Variants in ELAPOR2 observed in about 807,000 individuals in gnomAD.
ELAPOR2 encodes the protein endosome/lysosome-associated apoptosis and autophagy regulator family member 2.
In ELAPOR2, 89 loss-of-function variants were observed where a neutral mutation model predicts 120.7. That is an observed-to-expected ratio of 0.74 (90% CI 0.62 to 0.88). The LOEUF (loss-of-function observed/expected upper bound fraction) is 0.88. ELAPOR2 is among the 40% of genes least tolerant of loss of function. The probability of loss-of-function intolerance (pLI) is 0.00; values close to 1 mark genes in which losing one functional copy is unlikely to be tolerated. For synonymous variants in ELAPOR2, 444 were observed against 444.9 expected, an observed-to-expected ratio of 1.00 and a Z score of 0.03; for missense variants, 1,134 against 1,251.6, an observed-to-expected ratio of 0.91 and a Z score of 1.42.
intron 1 of ELAPOR2, among the ~76,000 whole-genome samples, chr7:86,987,337 T>C (rs1470485847): frequency 6.6e-6 from 1 of 151,976 alleles, no homozygotes; most frequent in African/African-American, 2.4e-5. Flanking sequence ...AAAGCCAAAA[T>C]AGACAAATGA....
In ELAPOR2 at chr7:86,954,784, G is replaced by A. The variant is rs190751058; in HGVS notation, c.311-6862C>T. On this transcript the variant is annotated intron_variant, in intron 2 of 21. Coordinates refer to ENST00000450689, the MANE Select transcript of ELAPOR2 (RefSeq NM_001142749.3). ...GGAAATATAAAGTAAATCAATTCCA[G>A]GATCAAGACAAGCCCATATGTCTAT... is the stretch of plus-strand genomic sequence containing the variant. Among the ~76,000 whole-genome samples, 206 of 152,108 alleles carry A rather than the reference G, an allele frequency of 1.4e-3. 1 individual carries two copies. Among genetic ancestry groups the A allele is most frequent in the African/African-American group, 4.8e-3 (199 of 41,512 alleles).
rs79734051 is a variant in ELAPOR2, at chr7:86,938,953, C to G, written c.855G>C (p.Ala285=). 8 of 1,612,654 alleles carry G rather than the reference C, an allele frequency of 5.0e-6. No individual in the cohort carries two copies. The highest frequency in any genetic ancestry group is 6.8e-6 in the Non-Finnish European group (8 of 1,179,254). ...LVKNITIEGV[A]YTSECFPCKP... is the part of the protein sequence containing the mutation. ...TGCAAGGAAAACATTCTGATGTGTACGCCACCCCTGTGCAGTAATGAAAAA... is the reference window on the plus strand; with the variant it reads ...TGCAAGGAAAACATTCTGATGTGTAGGCCACCCCTGTGCAGTAATGAAAAA... The change falls in exon 7 of 22, where the codon GCG becomes GCC. Residue 285 remains alanine (A), a synonymous_variant. Transcript: ENST00000450689.
intron 1 of ELAPOR2, among the ~76,000 whole-genome samples, chr7:86,982,830 A>C (rs973445993): frequency 6.6e-6 from 1 of 152,216 alleles, no homozygotes; most frequent in Non-Finnish European, 1.5e-5. Flanking sequence ...CTGGAGGGAG[A>C]CTGACTTTGA....
At chr7:86,922,979 T>C (rs557854467) in intron 10 of ELAPOR2, among the ~76,000 whole-genome samples, 1 of 152,096 alleles carries the variant, frequency 6.6e-6, no homozygotes, top group East Asian at 1.9e-4. Flanking sequence ...AATTCATATT[T>C]CACATAAACC....
chr7:86,896,295 T>C (rs971403104), intron 19 of ELAPOR2, among the ~76,000 whole-genome samples: 2 of 152,124 alleles, frequency 1.3e-5, no homozygotes, highest in Non-Finnish European at 2.9e-5. Context: ...CTAATTTGTG[T>C]GTGTGTGTGC....
chr7:87,028,270 T>A (rs1286570086), intron 1 of ELAPOR2, among the ~76,000 whole-genome samples: 2 of 152,112 alleles, frequency 1.3e-5, no homozygotes, highest in Admixed American at 6.6e-5. Context: ...TTCAAGATAA[T>A]TGAAAAGACC....
chr7:86,927,376 A>G (rs1238292296), intron 8 of ELAPOR2, among the ~76,000 whole-genome samples: 1 of 151,984 alleles, frequency 6.6e-6, no homozygotes, highest in Non-Finnish European at 1.5e-5. Flanking sequence ...GAAAGAATAT[A>G]TCAAGATTCA....
At chr7:86,907,555 G>T in intron 18 of ELAPOR2, 115 bp downstream of exon 18, 2 of 668,580 alleles carry the variant, frequency 3.0e-6, no homozygotes, top group Non-Finnish European at 4.8e-6. Context: ...AAACCCTACA[G>T]ATTGTTCTGT....
intron 1 of ELAPOR2, among the ~76,000 whole-genome samples, chr7:86,976,157 C>G (rs1172355986): frequency 6.6e-6 from 1 of 152,194 alleles, no homozygotes; most frequent in East Asian, 1.9e-4. Context: ...GAAAACCTCT[C>G]TCTCTAGATA....
chr7:87,012,861 G>C (rs1384193694), intron 1 of ELAPOR2, among the ~76,000 whole-genome samples: 1 of 152,168 alleles, frequency 6.6e-6, no homozygotes, highest in Non-Finnish European at 1.5e-5. Flanking sequence ...TGCCACTGCT[G>C]TGTGACCAGC....
Position 86,912,096 on chromosome 7 carries a change from G to A in ELAPOR2, c.2145C>T (p.Phe715=). The change falls in exon 15 of 22, where the codon TTC becomes TTT. Residue 715 remains phenylalanine, a synonymous_variant. Coordinates refer to ENST00000450689, the MANE Select transcript of ELAPOR2 (RefSeq NM_001142749.3). ...TSKGTKYFHF[F]NISLCGHEGK... ...CCTCATGCCCACATAAACTGATATTGAAGAAATGGAAGTATTTTGTTCCTT... is the reference window on the plus strand; with the variant it reads ...CCTCATGCCCACATAAACTGATATTAAAGAAATGGAAGTATTTTGTTCCTT... 7.5e-6 allele frequency: 12 copies of A among 1,610,254 alleles called. No individual in the cohort carries two copies. Among genetic ancestry groups the A allele is most frequent in the Non-Finnish European group, 1.0e-5 (12 of 1,176,860 alleles).
intron 1 of ELAPOR2, among the ~76,000 whole-genome samples, chr7:86,982,725 G>A (rs1792551461): frequency 6.6e-6 from 1 of 152,152 alleles, no homozygotes; most frequent in South Asian, 2.1e-4. Context: ...CACAAAGATG[G>A]GGAGAAACCA....
intron 18 of ELAPOR2, among the ~76,000 whole-genome samples, chr7:86,902,221 A>C (rs1268665480): frequency 6.6e-6 from 1 of 151,964 alleles, no homozygotes; most frequent in Non-Finnish European, 1.5e-5. Flanking sequence ...TTGTTGCCCA[A>C]GCTGGGGTGC....
intron 1 of ELAPOR2, among the ~76,000 whole-genome samples, chr7:87,006,782 T>C (rs1208079097): frequency 6.6e-6 from 1 of 152,128 alleles, no homozygotes; most frequent in African/African-American, 2.4e-5. Context: ...ATATTCAAAA[T>C]AGCTGAAAAC....
chr7:86,899,891 C>T (rs570334250), intron 18 of ELAPOR2, among the ~76,000 whole-genome samples: 2 of 150,944 alleles, frequency 1.3e-5, no homozygotes, highest in African/African-American at 4.9e-5. Flanking sequence ...CAGACTGAAA[C>T]AAAGATAGGT....
At chr7:86,915,295 G>C (rs1399082533) in intron 12 of ELAPOR2, among the ~76,000 whole-genome samples, 2 of 151,936 alleles carry the variant, frequency 1.3e-5, no homozygotes, top group Non-Finnish European at 2.9e-5. Context: ...TTCTGATAGG[G>C]AGCTCTTACA....
At chr7:87,009,163 A>G (rs1289705637) in intron 1 of ELAPOR2, among the ~76,000 whole-genome samples, 1 of 152,220 alleles carries the variant, frequency 6.6e-6, no homozygotes, top group African/African-American at 2.4e-5. Flanking sequence ...AATAGATAAG[A>G]CATAAATGCA....
At chr7:86,939,104 C>A in intron 6 of ELAPOR2, 144 bp from the exon 7 acceptor site, 1 of 792,782 alleles carries the variant, frequency 1.3e-6, no homozygotes, top group Admixed American at 2.8e-5. Flanking sequence ...TCATCCAGCA[C>A]TAAGAAAGCA....
chr7:87,042,974 T>C (rs879740595), intron 1 of ELAPOR2, among the ~76,000 whole-genome samples: 1 of 152,176 alleles, frequency 6.6e-6, no homozygotes, highest in Admixed American at 6.5e-5. Flanking sequence ...CAGTGAATAC[T>C]ACAAACACCT....
Sources: allele counts gnomAD v4.1 joint callset (sites outside exome capture counted in the v4.1 genomes callset), GRCh38; gene constraint gnomAD v4.1.1; transcripts MANE v1.5; gene names NCBI Gene and HGNC (gene_info 2026-07-23, HGNC 2026-07-21).